Variants in RSPO4 observed in about 807,000 individuals in gnomAD.
The protein encoded by RSPO4 is R-spondin 4, also known as R-spondin-4.
Under a neutral mutation model 24.8 loss-of-function variants are expected in RSPO4, and 23 were observed. The ratio of observed to expected loss-of-function variants is 0.93; its 90% confidence interval spans 0.67 to 1.31. The LOEUF is 1.31. Ranked by LOEUF, RSPO4 falls within the 40% of genes most tolerant of loss-of-function variation. The probability of loss-of-function intolerance (pLI) is 0.00; values close to 1 mark genes in which losing one functional copy is unlikely to be tolerated. For missense variants in RSPO4, 333 were observed against 316.5 expected, an observed-to-expected ratio of 1.05 and a Z score of -0.39; for synonymous variants, 141 against 127.4, an observed-to-expected ratio of 1.11 and a Z score of -0.72.
At chr20:961,295 C>T (rs987423539) in intron 4 of RSPO4, among the ~76,000 whole-genome samples, 2 of 152,178 alleles carry the variant, frequency 1.3e-5, no homozygotes, top group African/African-American at 4.8e-5. Context: ...TGCTTGGGCC[C>T]CATTCAGTTC....
chr20:984,458 G>T lies in RSPO4; in HGVS notation c.80-16320C>A, dbSNP rs369377682. Among the ~76,000 whole-genome samples the T allele has an allele frequency of 5.0e-4, 76 of 152,314 alleles. 1 individual carries two copies. In the East Asian group the frequency reaches 0.014, roughly 28 times the overall value. The stretch of plus-strand genomic sequence containing the variant: ...TAAAAGTCAGCGCTGACTGAGGCAG[G>T]TCCTTGGTCAGTGTGTCCCTGCCAG... On this transcript the variant is annotated intron_variant, in intron 1 of 4. Transcript: ENST00000217260.
In RSPO4 at chr20:985,873, C is replaced by A. The variant is rs1025813535; in HGVS notation, c.79+16213G>T. 2.0e-5 allele frequency among the ~76,000 whole-genome samples: 3 copies of A among 152,240 alleles called. No individual in the cohort carries two copies. The South Asian group carries it at 6.2e-4, about 32-fold the overall frequency. ...AAGCTATGAACCAGAGGGAAACAGG[C>A]ATTCCATCCCTTGATTGAACTCACT... is the stretch of plus-strand genomic sequence containing the variant. On this transcript the variant is annotated intron_variant, in intron 1 of 4. Transcript: ENST00000217260.
At chr20:994,442 A>AT (rs1555797542) in intron 1 of RSPO4, among the ~76,000 whole-genome samples, 3 of 151,974 alleles carry the variant, frequency 2.0e-5, no homozygotes, top group African/African-American at 7.3e-5. Context: ...GAGAGGCTCC[A>AT]CTTGCCTAGG....
At chr20:996,939 G>C (rs1273327763) in intron 1 of RSPO4, among the ~76,000 whole-genome samples, 1 of 152,152 alleles carries the variant, frequency 6.6e-6, no homozygotes, top group Non-Finnish European at 1.5e-5. Flanking sequence ...CCCCCGATGG[G>C]GTTCCTCTCA....
intron 1 of RSPO4, among the ~76,000 whole-genome samples, chr20:971,644 A>G (rs915570722): frequency 1.3e-5 from 2 of 152,220 alleles, no homozygotes; most frequent in African/African-American, 4.8e-5. Flanking sequence ...AGCCATTTAT[A>G]TAAAGTTCAA....
At chr20:962,750 C>A (rs149177673) in intron 4 of RSPO4, among the ~76,000 whole-genome samples, 1,909 of 152,270 alleles carry the variant, frequency 0.013, 27 homozygotes, top group Non-Finnish European at 0.021. Flanking sequence ...CTGGGTGCCC[C>A]GGGTGGCCTG....
chr20:968,056 G>C lies in RSPO4; in HGVS notation c.162C>G (p.Leu54=), dbSNP rs763011320. The C allele has an allele frequency of 1.2e-5, 20 of 1,614,114 alleles. 1 individual carries two copies. The South Asian group carries it at 2.2e-4, about 18-fold the overall frequency. Residue 54 remains leucine, a synonymous_variant, in exon 2 of 5, where the codon CTC becomes CTG. Transcript: ENST00000217260. ...ENGCSTCQQR[L]FLFIRREGIR... is the part of the protein sequence containing the mutation. ...TGCCTTCCCGGCGGATGAACAGGAA[G>C]AGCCTCTGCTGGCAGGTGGAACAGC...
chr20:977,134 G>C (rs1181344182), intron 1 of RSPO4, among the ~76,000 whole-genome samples: 1 of 152,162 alleles, frequency 6.6e-6, no homozygotes, highest in Non-Finnish European at 1.5e-5. Flanking sequence ...TCTCAAACTT[G>C]GGCATGCATC....
intron 4 of RSPO4, 72 bp downstream of exon 4, chr20:963,863 C>T: frequency 6.9e-7 from 1 of 1,457,642 alleles, no homozygotes; most frequent in Non-Finnish European, 9.6e-7. Flanking sequence ...ATTTGTGGGG[C>T]AGTGATCTGA....
intron 1 of RSPO4, among the ~76,000 whole-genome samples, chr20:986,350 T>C (rs769794223): frequency 3.0e-4 from 46 of 152,124 alleles, no homozygotes; most frequent in Non-Finnish European, 5.3e-4. Context: ...TAGTGACAGC[T>C]GTCTCTATCC....
intron 1 of RSPO4, among the ~76,000 whole-genome samples, chr20:972,924 A>T (rs1243775599): frequency 6.6e-6 from 1 of 152,242 alleles, no homozygotes; most frequent in African/African-American, 2.4e-5. Context: ...TTACAAATTA[A>T]TTTAAATTAC....
intron 1 of RSPO4, among the ~76,000 whole-genome samples, chr20:988,677 A>G (rs1984998843): frequency 6.6e-6 from 1 of 152,028 alleles, no homozygotes; most frequent in Admixed American, 6.6e-5. Context: ...CAGCTTCCCT[A>G]GTAGCTGGGA....
chr20:964,654 AGGG>A (rs1006446629), intron 3 of RSPO4, among the ~76,000 whole-genome samples: 8 of 151,716 alleles, frequency 5.3e-5, no homozygotes, highest in Admixed American at 3.9e-4. Flanking sequence ...AGTTCTTCAT[AGGG>A]GGTAATAAAA....
chr20:977,797 T>C (rs1984610842), intron 1 of RSPO4, among the ~76,000 whole-genome samples: 1 of 152,154 alleles, frequency 6.6e-6, no homozygotes, highest in Non-Finnish European at 1.5e-5. Flanking sequence ...TGCTCTGTCC[T>C]TGGGGAGGAC....
intron 1 of RSPO4, among the ~76,000 whole-genome samples, chr20:993,192 C>T (rs1278576753): frequency 1.3e-5 from 2 of 152,176 alleles, no homozygotes; most frequent in African/African-American, 4.8e-5. Context: ...ACAGAATTTC[C>T]CACCCCCTCC....
At chr20:991,638 T>C (rs1985105645) in intron 1 of RSPO4, among the ~76,000 whole-genome samples, 1 of 151,468 alleles carries the variant, frequency 6.6e-6, no homozygotes, top group South Asian at 2.1e-4. Context: ...TAAAATAACA[T>C]TCAAAAACGA....
At chr20:997,889 G>GT (rs927075711) in intron 1 of RSPO4, among the ~76,000 whole-genome samples, 2 of 152,200 alleles carry the variant, frequency 1.3e-5, no homozygotes, top group Non-Finnish European at 2.9e-5. Flanking sequence ...CTTAACCCAC[G>GT]TGAGACCCCA....
chr20:982,198 G>C (rs1024294506), intron 1 of RSPO4, among the ~76,000 whole-genome samples: 1 of 152,152 alleles, frequency 6.6e-6, no homozygotes, highest in Admixed American at 6.5e-5. Flanking sequence ...AGACCCACCT[G>C]CCCAGAGCTA....
chr20:1,002,102 G>T lies in RSPO4; in HGVS notation c.63C>A (p.Asn21Lys), dbSNP rs766071797. The part of the protein sequence containing the change: ...VAHAVDMLAL[N>K]RRKKQVGTGL... ...CCCTTGTACCTTGCTTCTTCCTTCG[G>T]TTCAGGGCGAGCATGTCCACGGCGT... is the stretch of plus-strand genomic sequence containing the variant. Residue 21 changes from asparagine to lysine, a missense_variant, in exon 1 of 5, where the codon AAC becomes AAA. Coordinates refer to ENST00000217260, the MANE Select transcript of RSPO4 (RefSeq NM_001029871.4). The surrounding 1 kb of genome is among the most constrained non-coding windows in gnomAD (Gnocchi z 4.6). 14 of 1,562,624 alleles carry T rather than the reference G, an allele frequency of 9.0e-6. No individual in the cohort carries two copies. Among genetic ancestry groups the T allele is most frequent in the Non-Finnish European group, 1.2e-5 (14 of 1,153,178 alleles).
Sources: allele counts gnomAD v4.1 joint callset (sites outside exome capture counted in the v4.1 genomes callset), GRCh38; gene constraint gnomAD v4.1.1; non-coding constraint Gnocchi (gnomAD v3.1); transcripts MANE v1.5; gene names NCBI Gene and HGNC (gene_info 2026-07-23, HGNC 2026-07-21).